FMN1: variants seen among roughly 807,000 people sequenced by gnomAD.
FMN1 encodes the protein formin-1.
In FMN1, 110 loss-of-function variants were observed where a neutral mutation model predicts 132.4. The ratio of observed to expected loss-of-function variants is 0.83; its 90% CI spans 0.71 to 0.97. The LOEUF (loss-of-function observed/expected upper bound fraction) is 0.97. Ranked by LOEUF, FMN1 falls within the 50% of genes least tolerant of loss-of-function variation. FMN1 has a pLI of 0.00. For missense variants in FMN1, 1,792 were observed against 1,705.3 expected (o/e 1.05, Z -0.90); for synonymous variants, 722 against 651.7 (o/e 1.11, Z -1.64).
intron 9 of FMN1, among the ~76,000 whole-genome samples, chr15:32,963,186 C>T (rs1238096146): frequency 2.0e-5 from 3 of 151,344 alleles, no homozygotes; most frequent in African/African-American, 7.3e-5. Flanking sequence ...AGTTCACGTC[C>T]TTTGTAGGGA....
At chr15:32,831,131 C>G (rs2058490704) in intron 17 of FMN1, among the ~76,000 whole-genome samples, 1 of 152,090 alleles carries the variant, frequency 6.6e-6, no homozygotes, top group Non-Finnish European at 1.5e-5. Context: ...TAGTGCTTTC[C>G]TCAAGGGTTT....
At chr15:33,018,187 G>C (rs1177957774) in intron 6 of FMN1, among the ~76,000 whole-genome samples, 1 of 152,138 alleles carries the variant, frequency 6.6e-6, no homozygotes. Flanking sequence ...CATGAGATTA[G>C]TGTGTGTGAT....
At chr15:32,941,327 G>A (rs142092927) in intron 9 of FMN1, among the ~76,000 whole-genome samples, 88 of 152,282 alleles carry the variant, frequency 5.8e-4, no homozygotes, top group African/African-American at 2.0e-3. Flanking sequence ...GGATTTTGGA[G>A]TCATTTAACA....
chr15:33,119,642 T>C (rs908292864), intron 4 of FMN1, among the ~76,000 whole-genome samples: 1 of 152,256 alleles, frequency 6.6e-6, no homozygotes, highest in Non-Finnish European at 1.5e-5. Flanking sequence ...ATAGAAGTGA[T>C]CACTCTGTTT....
intron 7 of FMN1, 122 bp from the exon 8 acceptor site, chr15:32,969,599 TAC>T (rs1434146429): frequency 2.7e-6 from 3 of 1,099,320 alleles, no homozygotes; most frequent in Non-Finnish European, 3.8e-6. Flanking sequence ...TGCAGGGAAA[TAC>T]AGAGACATTC....
intron 11 of FMN1, among the ~76,000 whole-genome samples, chr15:32,909,269 C>T (rs1305686428): frequency 2.6e-5 from 4 of 152,282 alleles, no homozygotes; most frequent in East Asian, 3.9e-4. Context: ...TCCACTGAGG[C>T]TTGTACTAAG....
chr15:33,104,967 A>C (rs998790163), intron 4 of FMN1, among the ~76,000 whole-genome samples: 2 of 152,120 alleles, frequency 1.3e-5, no homozygotes, highest in Non-Finnish European at 2.9e-5. Flanking sequence ...AAAAGATAGA[A>C]TGACCCTCTC....
intron 6 of FMN1, among the ~76,000 whole-genome samples, chr15:33,059,670 C>G (rs549679117): frequency 1.3e-3 from 200 of 152,316 alleles, no homozygotes; most frequent in Admixed American, 2.2e-3. Context: ...CATAATTTAT[C>G]AACAGAGTAT....
intron 5 of FMN1, among the ~76,000 whole-genome samples, chr15:33,068,801 C>A (rs1464148715): frequency 1.3e-5 from 2 of 152,216 alleles, no homozygotes; most frequent in African/African-American, 2.4e-5. Flanking sequence ...AGCACACCCA[C>A]CACACCCAGT....
chr15:32,815,494 C>T (rs1025675406), intron 17 of FMN1, among the ~76,000 whole-genome samples: 2 of 152,084 alleles, frequency 1.3e-5, no homozygotes, highest in African/African-American at 4.8e-5. Context: ...TCCATATGTA[C>T]ACTAGATAAA....
At chr15:32,912,615 G>A (rs2060589141) in intron 10 of FMN1, among the ~76,000 whole-genome samples, 1 of 152,168 alleles carries the variant, frequency 6.6e-6, no homozygotes, top group Non-Finnish European at 1.5e-5. Flanking sequence ...AGGCTTCTTT[G>A]GGAGGTGACA....
In FMN1 at chr15:32,868,627, C is replaced by T. The variant is rs116545928; in HGVS notation, c.3836-11520G>A. Among the ~76,000 whole-genome samples the T allele has an allele frequency of 6.3e-3, 963 of 152,314 alleles. 8 individuals carry two copies. The highest frequency in any genetic ancestry group is 0.022 in the African/African-American group (929 of 41,556). ...ATACACCGACACGTGAAAAACATCT[C>T]TCTTCATTTGTATAATACATGTAGA... On this transcript the variant is annotated intron_variant, in intron 16 of 20. Transcript: ENST00000616417.
intron 12 of FMN1, among the ~76,000 whole-genome samples, chr15:32,902,910 T>C (rs2060332215): frequency 1.3e-5 from 2 of 152,378 alleles, no homozygotes; most frequent in African/African-American, 2.4e-5. Flanking sequence ...TATTTCATTT[T>C]GGTGTTGAGA....
chr15:33,114,949 G>A (rs1487738816), intron 4 of FMN1, among the ~76,000 whole-genome samples: 1 of 152,168 alleles, frequency 6.6e-6, no homozygotes, highest in African/African-American at 2.4e-5. Flanking sequence ...GGGGTCTGGT[G>A]GCTGGGCAGG....
At chr15:32,971,690 A>C (rs1356583418) in intron 7 of FMN1, among the ~76,000 whole-genome samples, 1 of 152,230 alleles carries the variant, frequency 6.6e-6, no homozygotes. Flanking sequence ...TTCAAGAAGC[A>C]GTAATTTTAC....
At chr15:32,985,205 A>ACT (rs1191102085) in intron 7 of FMN1, among the ~76,000 whole-genome samples, 1 of 152,082 alleles carries the variant, frequency 6.6e-6, no homozygotes, top group Non-Finnish European at 1.5e-5. Flanking sequence ...ACAGCTTCCT[A>ACT]AACTACCCAA....
intron 16 of FMN1, among the ~76,000 whole-genome samples, chr15:32,881,405 T>C (rs1268239171): frequency 6.6e-6 from 1 of 152,192 alleles, no homozygotes; most frequent in Non-Finnish European, 1.5e-5. Flanking sequence ...TTCCAAAATT[T>C]TGTGGTTCTC....
intron 3 of FMN1, among the ~76,000 whole-genome samples, chr15:33,168,892 C>A (rs1965210221): frequency 6.6e-6 from 1 of 152,192 alleles, no homozygotes; most frequent in Non-Finnish European, 1.5e-5. Flanking sequence ...CACAGTCTGA[C>A]CCAAAGGGCT....
chr15:33,066,415 C>G, intron 5 of FMN1: 1 of 1,042,224 alleles, frequency 9.6e-7, no homozygotes, highest in Non-Finnish European at 1.4e-6. Flanking sequence ...AAAAGAATCA[C>G]TAACAGGCAA....
Sources: allele counts gnomAD v4.1 joint callset (sites outside exome capture counted in the v4.1 genomes callset), GRCh38; gene constraint gnomAD v4.1.1; transcripts MANE v1.5; gene names NCBI Gene and HGNC (gene_info 2026-07-23, HGNC 2026-07-21).